NEB: variants seen among roughly 807,000 people sequenced by gnomAD.
NEB encodes nemaline myopathy type 2.
Under a neutral mutation model 952.2 loss-of-function variants are expected in NEB, and 512 were observed. That is an observed-to-expected ratio of 0.54 (90% confidence interval 0.50 to 0.58). The LOEUF (loss-of-function observed/expected upper bound fraction) is 0.58. Ranked by LOEUF, NEB falls within the 20% of genes least tolerant of loss-of-function variation. The probability of loss-of-function intolerance (pLI) is 0.00; values close to 1 mark genes in which losing one functional copy is unlikely to be tolerated. For missense variants in NEB, 8,428 were observed against 9,231.1 expected (o/e 0.91, Z 3.56); for synonymous variants, 2,900 against 3,149.8 (o/e 0.92, Z 2.66).
intron 124 of NEB, among the ~76,000 whole-genome samples, chr2:151,557,744 A>T (rs1266664311): frequency 6.6e-6 from 1 of 152,256 alleles, no homozygotes; most frequent in Non-Finnish European, 1.5e-5. Flanking sequence ...AATCTATCAC[A>T]TAAACAGAAC....
intron 140 of NEB, 55 bp downstream of exon 140, chr2:151,537,817 G>T: frequency 8.4e-7 from 1 of 1,184,412 alleles, no homozygotes; most frequent in Non-Finnish European, 1.2e-6. Context: ...TATGATTTCA[G>T]AGCTTATATG....
intron 5 of NEB, 111 bp downstream of exon 5, chr2:151,727,580 G>A: frequency 9.1e-7 from 1 of 1,097,770 alleles, no homozygotes; most frequent in Non-Finnish European, 1.3e-6. Flanking sequence ...ATAAGTTTTT[G>A]TTTCATACAG....
rs1236565312 is a variant in NEB at position 151,684,979 on chromosome 2, T to C, written c.2638-4A>G. The C allele has an allele frequency of 2.5e-6, 4 of 1,589,190 alleles. No individual in the cohort carries two copies. The highest frequency in any genetic ancestry group is 3.4e-6 in the Non-Finnish European group (4 of 1,164,764). On this transcript the variant is annotated splice_region_variant and splice_polypyrimidine_tract_variant and intron_variant, in intron 27 of 181. Transcript: ENST00000397345. Reference sequence around the variant, plus strand: ...CATAATCTTTTCGATATTCGCGCTGTGAATAGGAAATTATCATTTATTATC... The same window carrying C: ...CATAATCTTTTCGATATTCGCGCTGCGAATAGGAAATTATCATTTATTATC...
intron 143 of NEB, among the ~76,000 whole-genome samples, chr2:151,532,856 A>G (rs920694929): frequency 2.6e-5 from 4 of 152,144 alleles, no homozygotes; most frequent in Non-Finnish European, 5.9e-5. Flanking sequence ...CATGTGCTGG[A>G]AAGTGCATGC....
In NEB at chr2:151,650,384, G is replaced by A. The variant is rs773213959; in HGVS notation, c.7228-5C>T. The A allele has an allele frequency of 1.9e-6, 3 of 1,612,620 alleles. No individual in the cohort carries two copies. The highest frequency in any genetic ancestry group is 4.5e-5 in the East Asian group (2 of 44,862). ...AAGGTCAGATTTATATAGATTCTGT[G>A]AAAAGACAGAGCAAGCCATCAAAAT... On this transcript the variant is annotated splice_region_variant and splice_polypyrimidine_tract_variant and intron_variant, in intron 53 of 181. Transcript: ENST00000397345.
intron 175 of NEB, 147 bp downstream of exon 175, chr2:151,493,628 G>A (rs1316962210): frequency 1.3e-6 from 1 of 747,130 alleles, no homozygotes; most frequent in African/African-American, 1.8e-5. Context: ...TGACCTCGTG[G>A]GGTTGGTTTG....
At chr2:151,627,915 T>C in intron 68 of NEB, 81 bp from the exon 69 acceptor site, 2 of 1,483,694 alleles carry the variant, frequency 1.3e-6, no homozygotes, top group Non-Finnish European at 1.8e-6. Context: ...TTTATTATTT[T>C]AAAATTGCTA....
At chr2:151,507,450 T>C (rs1171739016) in intron 162 of NEB, among the ~76,000 whole-genome samples, 1 of 152,204 alleles carries the variant, frequency 6.6e-6, no homozygotes, top group Non-Finnish European at 1.5e-5. Flanking sequence ...TATCTGACCT[T>C]CATTTAAAGC....
intron 80 of NEB, 84 bp from the exon 81 acceptor site, chr2:151,610,204 C>A: frequency 8.6e-7 from 1 of 1,160,128 alleles, no homozygotes; most frequent in African/African-American, 1.6e-5. Context: ...ATGAAATGGA[C>A]AAGATTTTAT....
At chr2:151,573,053 G>T (rs879300569) in intron 107 of NEB, among the ~76,000 whole-genome samples, 1 of 152,120 alleles carries the variant, frequency 6.6e-6, no homozygotes, top group Non-Finnish European at 1.5e-5. Context: ...ACGTGAATTT[G>T]CTTTGTTACC....
At chr2:151,672,287 T>G (rs1332210281) in intron 37 of NEB, 82 bp downstream of exon 37, 8 of 1,278,218 alleles carry the variant, frequency 6.3e-6, no homozygotes, top group Non-Finnish European at 8.5e-6. Flanking sequence ...AATAGCTGAC[T>G]GTAGTATGAA....
At position 151,662,199 on chromosome 2, in the gene NEB, T is replaced by C. The variant is rs1426356020; in HGVS notation, c.5906A>G (p.Tyr1969Cys). 1 of 1,613,694 alleles carries C rather than the reference T, an allele frequency of 6.2e-7. No individual in the cohort carries two copies. Among genetic ancestry groups the C allele is most frequent in the Non-Finnish European group, 8.5e-7 (1 of 1,179,688 alleles). ...GTTCATCGAGTCCATGAGTGTGGAATACTTCAAAGTGTCTGGGTGCTGGCG... is the reference window on the plus strand; with the variant it reads ...GTTCATCGAGTCCATGAGTGTGGAACACTTCAAAGTGTCTGGGTGCTGGCG... ...KYRQHPDTLK[Y>C]STLMDSMNMV... The change falls in exon 46 of 182, where the codon TAT becomes TGT. Residue 1969 changes from tyrosine to cysteine, a missense_variant. Coordinates refer to ENST00000397345, the MANE Select transcript of NEB (RefSeq NM_001164508.2).
At chr2:151,731,063 C>T (rs2151061178) in intron 3 of NEB, among the ~76,000 whole-genome samples, 1 of 152,246 alleles carries the variant, frequency 6.6e-6, no homozygotes, top group East Asian at 1.9e-4. Context: ...CCTCCAGTCA[C>T]ACAAAACATC....
chr2:151,696,712 A>C lies in NEB; in HGVS notation c.1494T>G (p.Asp498Glu). 2 of 1,613,828 alleles carry C rather than the reference A, an allele frequency of 1.2e-6. No individual in the cohort carries two copies. Among genetic ancestry groups the C allele is most frequent in the African/African-American group, 1.3e-5 (1 of 75,036 alleles). The change falls in exon 17 of 182, where the codon GAT (aspartate) becomes GAG (glutamate). Residue 498 changes from aspartate to glutamate, a missense_variant. This residue lies in a region of NEB where 2,851 missense variants were observed against 2,791.5 expected (regional missense o/e 1.02). Coordinates refer to ENST00000397345, the MANE Select transcript of NEB (RefSeq NM_001164508.2). ...CTGTAACTTGGGTGAATTTTGTCTTATCTGGATGGACTTTGTAGGTGTGCT... is the reference window on the plus strand; with the variant it reads ...CTGTAACTTGGGTGAATTTTGTCTTCTCTGGATGGACTTTGTAGGTGTGCT... ...CKDHTYKVHPDKTKFTQVTDS... is the reference protein window; with the variant it reads ...CKDHTYKVHPEKTKFTQVTDS...
Position 151,570,074 on chromosome 2 carries a change from C to A in NEB, c.17430+7G>T. 1 of 1,599,544 alleles carries A rather than the reference C, an allele frequency of 6.3e-7. No homozygotes were observed. The highest frequency in any genetic ancestry group is 1.3e-5 in the African/African-American group (1 of 74,892). On this transcript the variant is annotated splice_region_variant and intron_variant, in intron 109 of 181. Transcript: ENST00000397345. The stretch of plus-strand genomic sequence containing the variant: ...AAAGAGTTCAACCCCAAATGCAGCC[C>A]ACTCACATCGCTCTGCAGTTCGTAG...
rs2093467178 is a variant in NEB, at chr2:151,538,059, A to C, written c.20997+81T>G. The C allele has an allele frequency of 1.4e-5, 21 of 1,505,128 alleles. No individual in the cohort carries two copies. In the South Asian group the frequency reaches 2.4e-4, roughly 17 times the overall value. 93.2% of individuals were successfully genotyped at this position (1,505,128 alleles called of 1,614,324 possible). A position where few individuals can be genotyped will look rare whatever the true frequency, so the allele number is the denominator to read the frequency against. On this transcript the variant is annotated intron_variant, in intron 139 of 181. Coordinates refer to ENST00000397345, the MANE Select transcript of NEB (RefSeq NM_001164508.2). ...GCTTCTTTCTGGAGAATTTCAGAAG[A>C]GGGAGGTTGCTAAAAAATATATGTA...
intron 32 of NEB, among the ~76,000 whole-genome samples, 172 bp downstream of exon 32, chr2:151,679,549 T>TCC (rs2099398963): frequency 1.3e-5 from 2 of 152,304 alleles, no homozygotes; most frequent in South Asian, 4.1e-4. Context: ...ACAAATCTTT[T>TCC]CCCTCCAGAA....
At chr2:151,680,704 A>G in intron 30 of NEB, 26 bp downstream of exon 30, 2 of 1,402,036 alleles carry the variant, frequency 1.4e-6, no homozygotes, top group Middle Eastern at 1.8e-4. Context: ...AACATCTATT[A>G]ACATATAGAT....
intron 179 of NEB, 70 bp downstream of exon 179, chr2:151,491,613 A>G: frequency 4.6e-6 from 6 of 1,296,268 alleles, no homozygotes; most frequent in East Asian, 2.5e-5. Context: ...TCAGAGCCCA[A>G]ATGAAAGTCA....
Sources: gnomAD v4.1 joint callset for allele counts (sites outside exome capture counted in the v4.1 genomes callset) on GRCh38, gnomAD v4.1.1 for gene constraint, gnomAD v4.1.1 regional missense constraint, MANE v1.5 for transcripts, NCBI Gene and HGNC (gene_info 2026-07-23, HGNC 2026-07-21) for gene names.